Variants in ACYP2 observed in about 807,000 individuals in gnomAD.
ACYP2 encodes acylphosphatase-2.
ACYP2 carries 12 observed loss-of-function variants against 11.2 expected under a neutral mutation model. The observed-to-expected ratio is 1.08, with a 90% CI of 0.69 to 1.74. The LOEUF is 1.74. Among genes scored for constraint, ACYP2 ranks in the 40% most tolerant of loss-of-function variants. The pLI is 0.00. For synonymous variants in ACYP2, 43 were observed against 32.2 expected, an observed-to-expected ratio of 1.33 and a Z score of -1.13; for missense variants, 134 against 101.9, an observed-to-expected ratio of 1.31 and a Z score of -1.35.
At chr2:54,051,485 C>A (rs1675864313) in intron 3 of ACYP2, 1 of 699,790 alleles carries the variant, frequency 1.4e-6, no homozygotes, top group Non-Finnish European at 2.6e-6. Context: ...CCCAGTGCAC[C>A]CAAGAGGACT....
At chr2:54,207,513 C>T (rs1006923868) in intron 6 of ACYP2, among the ~76,000 whole-genome samples, 1 of 152,162 alleles carries the variant, frequency 6.6e-6, no homozygotes, top group Admixed American at 6.6e-5. Context: ...AATACTTTTA[C>T]AGCAACTTCT....
At chr2:54,193,876 ACT>A (rs965491765) in intron 6 of ACYP2, among the ~76,000 whole-genome samples, 1 of 152,024 alleles carries the variant, frequency 6.6e-6, no homozygotes, top group African/African-American at 2.4e-5. Flanking sequence ...AAATAGAAAC[ACT>A]CTCATTTATG....
intron 2 of ACYP2, among the ~76,000 whole-genome samples, chr2:54,000,714 G>A (rs894018290): frequency 6.6e-6 from 1 of 152,202 alleles, no homozygotes; most frequent in Non-Finnish European, 1.5e-5. Context: ...AAGGGAATGT[G>A]ATAAGATGTT....
intron 4 of ACYP2, among the ~76,000 whole-genome samples, chr2:54,076,650 A>G (rs1224104149): frequency 6.6e-6 from 1 of 152,238 alleles, no homozygotes; most frequent in South Asian, 2.1e-4. Context: ...ACCAAGAGAA[A>G]GAAAGGCCAG....
chr2:53,985,070 C>CT (rs1178409999), intron 2 of ACYP2, among the ~76,000 whole-genome samples: 8,439 of 134,944 alleles, frequency 0.063, 321 homozygotes, highest in African/African-American at 0.088. Flanking sequence ...TTTTTTCTTT[C>CT]TTTTTTTTTT....
chr2:54,195,794 G>GTTTTTTTTTTTTTTTTTTTTT (rs1168917459), intron 6 of ACYP2, among the ~76,000 whole-genome samples: 1 of 83,134 alleles, frequency 1.2e-5, no homozygotes, highest in Non-Finnish European at 2.2e-5. Flanking sequence ...TTTGTTGTGG[G>GTTTTTTTTTTTTTTTTTTTTT]TTTTTTTTTT....
chr2:54,153,881 T>C (rs553846197), intron 6 of ACYP2, among the ~76,000 whole-genome samples: 1 of 152,284 alleles, frequency 6.6e-6, no homozygotes, highest in African/African-American at 2.4e-5. Flanking sequence ...ATTATAGGCA[T>C]GAGCCACCGC....
chr2:53,977,874 T>G (rs534074939), intron 2 of ACYP2, among the ~76,000 whole-genome samples: 26 of 152,214 alleles, frequency 1.7e-4, no homozygotes, highest in Admixed American at 8.5e-4. Flanking sequence ...TTTCCTTTTT[T>G]TGTGTGTGAG....
intron 2 of ACYP2, among the ~76,000 whole-genome samples, chr2:53,991,690 C>T (rs994413654): frequency 6.6e-6 from 1 of 152,148 alleles, no homozygotes; most frequent in Non-Finnish European, 1.5e-5. Flanking sequence ...CAGGTGTGAG[C>T]CACTGTGCCT....
intron 4 of ACYP2, among the ~76,000 whole-genome samples, chr2:54,094,962 T>C (rs898130519): frequency 2.6e-5 from 4 of 151,432 alleles, no homozygotes; most frequent in African/African-American, 9.7e-5. Context: ...CATAGGACAA[T>C]AGTGGAGGGA....
chr2:53,978,019 T>C, intron 2 of ACYP2, among the ~76,000 whole-genome samples: 1 of 152,158 alleles, frequency 6.6e-6, no homozygotes, highest in East Asian at 1.9e-4. Flanking sequence ...CCCAGCACTT[T>C]GGGAGGCTGA....
In ACYP2 at chr2:54,138,015, G is replaced by A. The variant is rs558695694; in HGVS notation, c.295-624G>A. ...AGGTATCTCATTGTGGTTTTCATTT[G>A]CATTTCTCTAATGATTGGTGATATT... On this transcript the variant is annotated intron_variant, in intron 5 of 6. Transcript: ENST00000607452. Among the ~76,000 whole-genome samples the A allele has an allele frequency of 2.0e-5, 3 of 152,228 alleles. No individual in the cohort carries two copies. In the East Asian group the frequency reaches 5.8e-4, roughly 29 times the overall value.
intron 6 of ACYP2, among the ~76,000 whole-genome samples, chr2:54,246,188 G>T (rs1011788012): frequency 2.6e-5 from 4 of 151,900 alleles, no homozygotes; most frequent in Non-Finnish European, 5.9e-5. Context: ...TTAATTTCTG[G>T]GTTCTCTATT....
intron 6 of ACYP2, among the ~76,000 whole-genome samples, chr2:54,284,006 G>C (rs759142276): frequency 3.9e-5 from 6 of 152,196 alleles, no homozygotes; most frequent in Non-Finnish European, 8.8e-5. Flanking sequence ...AGCTACTCTG[G>C]AGGCTGAGGC....
At chr2:54,250,994 G>A (rs1038089922) in intron 6 of ACYP2, among the ~76,000 whole-genome samples, 1 of 152,236 alleles carries the variant, frequency 6.6e-6, no homozygotes, top group Non-Finnish European at 1.5e-5. Context: ...GGTGACGCCA[G>A]TCTTCAGAAT....
chr2:53,979,326 C>T (rs2884254), intron 2 of ACYP2, among the ~76,000 whole-genome samples: 2 of 151,734 alleles, frequency 1.3e-5, no homozygotes, highest in African/African-American at 4.8e-5. Context: ...AATAGAAAAG[C>T]ACATAAAAAA....
At position 54,137,344 on chromosome 2, in the gene ACYP2, C is replaced by T. The variant is rs150259996; in HGVS notation, c.295-1295C>T. Among the ~76,000 whole-genome samples the T allele has an allele frequency of 1.0e-3, 159 of 152,246 alleles. No individual in the cohort carries two copies. In the Middle Eastern group the frequency reaches 0.014, roughly 13 times the overall value. On this transcript the variant is annotated intron_variant, in intron 5 of 6. Coordinates refer to ENST00000607452, the MANE Select transcript of ACYP2 (RefSeq NM_001320586.2). ...GTTTGTTATATAGGTAAACTCGTGTCATGGGGGTTTATTATACAGAGTATT... is the reference window on the plus strand; with the variant it reads ...GTTTGTTATATAGGTAAACTCGTGTTATGGGGGTTTATTATACAGAGTATT...
At chr2:54,012,003 A>T (rs1157902502) in intron 2 of ACYP2, among the ~76,000 whole-genome samples, 1 of 152,126 alleles carries the variant, frequency 6.6e-6, no homozygotes. Flanking sequence ...TGAGAGGCCG[A>T]GGTTGGTGAA....
intron 4 of ACYP2, among the ~76,000 whole-genome samples, chr2:54,128,486 A>G (rs2080813): frequency 0.18 from 26,596 of 151,950 alleles, 2,411 homozygotes; most frequent in Non-Finnish European, 0.19. Flanking sequence ...TGAGCAGCAT[A>G]GTCAGACTCC....
Sources: allele counts gnomAD v4.1 joint callset (sites outside exome capture counted in the v4.1 genomes callset), GRCh38; gene constraint gnomAD v4.1.1; transcripts MANE v1.5; gene names NCBI Gene and HGNC (gene_info 2026-07-23, HGNC 2026-07-21).